Variants in SCN7A observed in about 807,000 individuals in gnomAD.
SCN7A encodes sodium channel protein type 7 subunit alpha.
A neutral mutation model predicts 155.2 loss-of-function variants in SCN7A; 138 were observed. The ratio of observed to expected loss-of-function variants is 0.89; its 90% CI spans 0.77 to 1.02. The LOEUF (loss-of-function observed/expected upper bound fraction) is 1.02, where lower values mean the gene tolerates loss of function less well. Ranked by LOEUF, SCN7A falls within the 50% of genes least tolerant of loss-of-function variation. The probability of loss-of-function intolerance (pLI) is 0.00; values close to 1 mark genes in which losing one functional copy is unlikely to be tolerated. For missense variants in SCN7A, 2,058 were observed against 1,986.6 expected (o/e 1.04, Z -0.68); for synonymous variants, 693 against 649.0 (o/e 1.07, Z -1.03).
At chr2:166,470,142 T>C (rs13017982) in intron 7 of SCN7A, among the ~76,000 whole-genome samples, 21,293 of 151,770 alleles carry the variant, frequency 0.14, 1,625 homozygotes, top group Middle Eastern at 0.16. Context: ...CACAACCACA[T>C]TGATGGAAGA....
At position 166,436,229 on chromosome 2, in the gene SCN7A, T is replaced by TGTGGGAGGGAATCG. The variant is rs569376228; in HGVS notation, c.2158-3491_2158-3478dup. 5.0e-3 allele frequency: 1,024 copies of TGTGGGAGGGAATCG among 205,978 alleles called. 4 individuals carry two copies. Among genetic ancestry groups the TGTGGGAGGGAATCG allele is most frequent in the Non-Finnish European group, 6.1e-3 (575 of 94,984 alleles). The allele number at this position is 205,978 out of a possible 1,614,324, so 12.8% of individuals were successfully genotyped here. ...TGTAGTTCTCATAATCCCCACATGT[T>TGTGGGAGGGAATCG]GTGGGAGGGAATCGGTGGGAGGTAA... On this transcript the variant is annotated intron_variant, in intron 15 of 25. Coordinates refer to ENST00000643258, the MANE Select transcript of SCN7A (RefSeq NM_002976.4).
At position 166,439,041 on chromosome 2, in the gene SCN7A, A is replaced by G. The variant is rs367617089; in HGVS notation, c.2157+2355T>C. ...TATATACATACACACACATACATATATGTGTGTGTGTGTGTATATATATAT... is the reference window on the plus strand; with the variant it reads ...TATATACATACACACACATACATATGTGTGTGTGTGTGTGTATATATATAT... On this transcript the variant is annotated intron_variant, in intron 15 of 25. Coordinates refer to ENST00000643258, the MANE Select transcript of SCN7A (RefSeq NM_002976.4). 8.4e-4 allele frequency among the ~76,000 whole-genome samples: 103 copies of G among 122,840 alleles called. 2 individuals carry two copies. In the East Asian group the frequency reaches 9.2e-3, roughly 11 times the overall value. The allele number at this position is 122,840 out of a possible 152,430, so 80.6% of individuals were successfully genotyped here.
At chr2:166,462,362 T>A (rs1482959003) in intron 10 of SCN7A, 27 bp downstream of exon 10, 2 of 1,567,430 alleles carry the variant, frequency 1.3e-6, no homozygotes, top group Admixed American at 1.9e-5. Flanking sequence ...CATTCCTAAG[T>A]ACAGTACAAT....
intron 11 of SCN7A, among the ~76,000 whole-genome samples, chr2:166,450,277 A>G (rs939721392): frequency 2.0e-5 from 3 of 152,116 alleles, no homozygotes; most frequent in Non-Finnish European, 4.4e-5. Context: ...ACACATGGAC[A>G]TTAAGATGGG....
At chr2:166,481,637 G>A (rs940092757) in intron 2 of SCN7A, among the ~76,000 whole-genome samples, 4 of 152,060 alleles carry the variant, frequency 2.6e-5, no homozygotes, top group African/African-American at 7.2e-5. Flanking sequence ...GAGGCAGTCC[G>A]TCTCTACTGT....
In SCN7A at chr2:166,406,462, C is replaced by A. The variant is rs779650958; in HGVS notation, c.4167G>T (p.Leu1389=). 33 of 1,612,520 alleles carry A rather than the reference C, an allele frequency of 2.0e-5. No individual in the cohort carries two copies. Among genetic ancestry groups the A allele is most frequent in the Non-Finnish European group, 2.7e-5 (32 of 1,179,266 alleles). ...CAAATACGGCATAGATGAACATGAC[C>A]AGGAAGATGAGAAGAATGATGTTCA... ...ALLNIILLIF[L]VMFIYAVFGM... is the part of the protein sequence containing the mutation. Residue 1389 remains leucine (L), a synonymous_variant, in exon 26 of 26, where the codon CTG becomes CTT. Coordinates refer to ENST00000643258, the MANE Select transcript of SCN7A (RefSeq NM_002976.4).
chr2:166,413,617 A>G (rs1444693059), intron 21 of SCN7A, among the ~76,000 whole-genome samples: 1 of 152,056 alleles, frequency 6.6e-6, no homozygotes, highest in East Asian at 1.9e-4. Flanking sequence ...TGAAGGATGC[A>G]AAGTATTGAT....
chr2:166,439,055 G>GTGTGTGTATATATATATATATATATATA (rs375208870), intron 15 of SCN7A, among the ~76,000 whole-genome samples: 13 of 113,404 alleles, frequency 1.1e-4, no homozygotes, highest in African/African-American at 4.5e-4. Flanking sequence ...GTGTGTGTGT[G>GTGTGTGTATATATATATATATATATATA]TATATATATA....
intron 11 of SCN7A, among the ~76,000 whole-genome samples, chr2:166,452,958 A>G (rs894318546): frequency 2.0e-5 from 3 of 152,202 alleles, no homozygotes; most frequent in Non-Finnish European, 2.9e-5. Context: ...AAATATAGTC[A>G]AAGACAAGAA....
intron 21 of SCN7A, among the ~76,000 whole-genome samples, 156 bp from the exon 22 acceptor site, chr2:166,413,277 C>T (rs1195284543): frequency 5.3e-5 from 8 of 151,984 alleles, no homozygotes; most frequent in Non-Finnish European, 1.0e-4. Context: ...ATTATATTGT[C>T]TGTTAACAAC....
At chr2:166,408,809 C>T (rs897047615) in intron 25 of SCN7A, among the ~76,000 whole-genome samples, 82 of 152,098 alleles carry the variant, frequency 5.4e-4, no homozygotes, top group African/African-American at 2.0e-3. Flanking sequence ...TTCCTACTCT[C>T]ATGGAACTTA....
At position 166,441,458 on chromosome 2, in the gene SCN7A, C is replaced by A. The variant is rs1701957600; in HGVS notation, c.2095G>T (p.Val699Phe). The A allele has an allele frequency of 6.2e-7, 1 of 1,613,728 alleles. No homozygotes were observed. Among genetic ancestry groups the A allele is most frequent in the Admixed American group, 1.7e-5 (1 of 59,952 alleles). The change falls in exon 15 of 26, where the codon GTT (valine) becomes TTT (phenylalanine). Residue 699 changes from valine to phenylalanine, a missense_variant. By Grantham distance (50) the Val-to-Phe change is conservative. Transcript: ENST00000643258. Reference sequence around the variant, plus strand: ...GGAATACACCAGGATTGGCCTGCAACCTCCATACAGTCCCACAAGGTCTCT... The same window carrying A: ...GGAATACACCAGGATTGGCCTGCAAACTCCATACAGTCCCACAAGGTCTCT... ...WVETLWDCMEVAGQSWCIPFY... is the reference protein window; with the variant it reads ...WVETLWDCMEFAGQSWCIPFY...
At chr2:166,441,004 A>G (rs1701947587) in intron 15 of SCN7A, 1 of 279,836 alleles carries the variant, frequency 3.6e-6, no homozygotes, top group African/African-American at 2.2e-5. Context: ...ATGCAATTTA[A>G]AACTTATGAG....
At chr2:166,439,940 T>C (rs149870336) in intron 15 of SCN7A, among the ~76,000 whole-genome samples, 95 of 152,318 alleles carry the variant, frequency 6.2e-4, no homozygotes, top group African/African-American at 2.0e-3. Flanking sequence ...TTTTTCAGTC[T>C]TTTGGGAAAT....
intron 14 of SCN7A, 98 bp downstream of exon 14, chr2:166,443,405 G>T: frequency 1.0e-6 from 1 of 962,958 alleles, no homozygotes; most frequent in Non-Finnish European, 1.5e-6. Context: ...TGCTCCCAAT[G>T]TCCCAATGGG....
At chr2:166,452,815 C>T (rs927401536) in intron 11 of SCN7A, among the ~76,000 whole-genome samples, 1 of 152,124 alleles carries the variant, frequency 6.6e-6, no homozygotes, top group Non-Finnish European at 1.5e-5. Flanking sequence ...ATCTCTGCAG[C>T]TGGAACTCCT....
chr2:166,429,734 T>A (rs765100785), intron 16 of SCN7A, among the ~76,000 whole-genome samples: 2 of 151,968 alleles, frequency 1.3e-5, no homozygotes, highest in Non-Finnish European at 2.9e-5. Context: ...GTCCAGATGG[T>A]CTTATGTATG....
chr2:166,448,360 T>C (rs950768917), intron 11 of SCN7A, among the ~76,000 whole-genome samples: 5 of 152,224 alleles, frequency 3.3e-5, no homozygotes, highest in African/African-American at 1.2e-4. Context: ...TGTCCATTGA[T>C]AGACACTTAA....
chr2:166,410,980 C>G (rs1467639941), intron 23 of SCN7A, among the ~76,000 whole-genome samples: 2 of 151,900 alleles, frequency 1.3e-5, no homozygotes, highest in African/African-American at 4.8e-5. Flanking sequence ...ACTGCAGACA[C>G]CAGTTCGAAG....
Sources: allele counts gnomAD v4.1 joint callset (sites outside exome capture counted in the v4.1 genomes callset), GRCh38; gene constraint gnomAD v4.1.1; transcripts MANE v1.5; gene names NCBI Gene and HGNC (gene_info 2026-07-23, HGNC 2026-07-21).